The following SEMA6D variants were observed in gnomAD, a reference collection of about 807,000 sequenced individuals.
The protein encoded by SEMA6D is semaphorin 6D, also known as semaphorin-6D.
SEMA6D carries 35 observed loss-of-function variants against 106.6 expected under a neutral mutation model. That is an observed-to-expected ratio of 0.33 (90% CI 0.25 to 0.44). The LOEUF is 0.44. SEMA6D is among the 20% of genes least tolerant of loss of function. The probability of loss-of-function intolerance (pLI) is 1.00; values close to 1 mark genes in which losing one functional copy is unlikely to be tolerated. For synonymous variants in SEMA6D, 499 were observed against 487.7 expected (o/e 1.02, Z -0.31); for missense variants, 1,185 against 1,345.9 (o/e 0.88, Z 1.87).
intron 3 of SEMA6D, among the ~76,000 whole-genome samples, chr15:47,520,226 A>T (rs1201850494): frequency 6.6e-6 from 1 of 152,200 alleles, no homozygotes; most frequent in Non-Finnish European, 1.5e-5. Context: ...ATACTTTAAG[A>T]CTTACTCTAA....
At chr15:47,601,943 G>A (rs1207651618) in intron 4 of SEMA6D, among the ~76,000 whole-genome samples, 1 of 152,142 alleles carries the variant, frequency 6.6e-6, no homozygotes, top group Non-Finnish European at 1.5e-5. Flanking sequence ...TTTTAAAAAT[G>A]TCTTTTAGAT....
At chr15:47,287,357 T>G (rs1002205215) in intron 1 of SEMA6D, among the ~76,000 whole-genome samples, 1 of 152,172 alleles carries the variant, frequency 6.6e-6, no homozygotes, top group Non-Finnish European at 1.5e-5. Context: ...AAAATACATA[T>G]AGTCTTTGAA....
intron 1 of SEMA6D, among the ~76,000 whole-genome samples, chr15:47,266,648 C>T (rs2034333066): frequency 6.6e-6 from 1 of 152,062 alleles, no homozygotes; most frequent in South Asian, 2.1e-4. Flanking sequence ...TTCTCATCCA[C>T]ATTTGCCCAG....
chr15:47,595,788 T>G (rs2076524579), intron 3 of SEMA6D, among the ~76,000 whole-genome samples: 1 of 152,154 alleles, frequency 6.6e-6, no homozygotes, highest in African/African-American at 2.4e-5. Flanking sequence ...TTTTTTTTCT[T>G]GATTCAGTGT....
At chr15:47,476,982 G>A (rs569701135) in intron 3 of SEMA6D, among the ~76,000 whole-genome samples, 9 of 152,168 alleles carry the variant, frequency 5.9e-5, no homozygotes, top group Non-Finnish European at 1.0e-4. Flanking sequence ...TGAAAAGTCC[G>A]TGGTGTGGGA....
At chr15:47,678,316 C>T (rs1468026003) in intron 4 of SEMA6D, among the ~76,000 whole-genome samples, 1 of 152,160 alleles carries the variant, frequency 6.6e-6, no homozygotes, top group Non-Finnish European at 1.5e-5. Context: ...AAGTTCTCGA[C>T]TTTTCAGCCA....
intron 1 of SEMA6D, among the ~76,000 whole-genome samples, chr15:47,324,679 TTAAA>T (rs1248099146): frequency 2.7e-5 from 4 of 150,264 alleles, no homozygotes; most frequent in Non-Finnish European, 5.9e-5. Context: ...ACTATTATAT[TTAAA>T]TATATGCTAT....
intron 1 of SEMA6D, among the ~76,000 whole-genome samples, chr15:47,214,843 A>G (rs572846335): frequency 2.0e-5 from 3 of 152,298 alleles, no homozygotes; most frequent in Non-Finnish European, 4.4e-5. Context: ...AGTTTATTCT[A>G]GAAAATGGCA....
chr15:47,400,234 A>G (rs1752280608), intron 1 of SEMA6D, among the ~76,000 whole-genome samples: 1 of 152,178 alleles, frequency 6.6e-6, no homozygotes, highest in South Asian at 2.1e-4. Flanking sequence ...TTATGCCTGT[A>G]ATCCCAGCAC....
chr15:47,760,553 A>G (rs1290959631), intron 3 of SEMA6D, 138 bp downstream of exon 3: 4 of 664,934 alleles, frequency 6.0e-6, no homozygotes, highest in Admixed American at 5.6e-5. Flanking sequence ...CACTGAGAAG[A>G]GTCAGTGTTG....
chr15:47,742,690 A>C (rs1020659640), intron 1 of SEMA6D, among the ~76,000 whole-genome samples: 5 of 152,224 alleles, frequency 3.3e-5, no homozygotes, highest in Middle Eastern at 3.4e-3. Context: ...CTGCCTCTCT[A>C]CCCAGCTTGG....
Position 47,607,051 on chromosome 15 carries a change from TAGCCTAAGAAGGCTTAAATAA to T in SEMA6D, c.-55+6157_-55+6177del, listed in dbSNP as rs560197261. ...AACCTTCTTGTGCCAAATTAGAAAC[TAGCCTAAGAAGGCTTAAATAA>T]AATTGTTTGAAAATTATGATAAGGA... On this transcript the variant is annotated intron_variant, in intron 4 of 19. Coordinates refer to the SEMA6D transcript ENST00000558014. 1.8e-3 allele frequency among the ~76,000 whole-genome samples: 276 copies of T among 152,278 alleles called. 11 individuals are homozygous for T. The South Asian group carries it at 0.055, about 30-fold the overall frequency.
At chr15:47,341,165 A>C (rs561966557) in intron 1 of SEMA6D, among the ~76,000 whole-genome samples, 7 of 152,202 alleles carry the variant, frequency 4.6e-5, no homozygotes, top group African/African-American at 1.7e-4. Flanking sequence ...CAAGGTGGGC[A>C]GATCACTTAA....
chr15:47,657,816 C>CTG (rs1283803377), intron 4 of SEMA6D, among the ~76,000 whole-genome samples: 2 of 136,260 alleles, frequency 1.5e-5, no homozygotes, highest in Non-Finnish European at 3.1e-5. Context: ...TCTCGGCTCA[C>CTG]TGCAAGCTCC....
intron 1 of SEMA6D, chr15:47,398,045 C>T (rs1426550039): frequency 6.6e-6 from 1 of 152,218 alleles, no homozygotes; most frequent in Non-Finnish European, 1.5e-5. Context: ...ACCCCCAACA[C>T]TTTCCCTAGC....
At chr15:47,537,035 G>A (rs185119434) in intron 3 of SEMA6D, among the ~76,000 whole-genome samples, 1 of 152,204 alleles carries the variant, frequency 6.6e-6, no homozygotes, top group East Asian at 1.9e-4. Flanking sequence ...ACACCAAGGT[G>A]GTATAAGAAG....
At chr15:47,239,141 T>C (rs925155575) in intron 1 of SEMA6D, among the ~76,000 whole-genome samples, 3 of 152,146 alleles carry the variant, frequency 2.0e-5, no homozygotes, top group African/African-American at 7.2e-5. Context: ...TGGAGTCTCA[T>C]AGGAGCATGA....
intron 4 of SEMA6D, among the ~76,000 whole-genome samples, chr15:47,678,315 A>T (rs1424900188): frequency 6.6e-6 from 1 of 152,140 alleles, no homozygotes; most frequent in African/African-American, 2.4e-5. Context: ...AAAGTTCTCG[A>T]CTTTTCAGCC....
chr15:47,676,314 A>G (rs1240227867), intron 4 of SEMA6D, among the ~76,000 whole-genome samples: 1 of 152,202 alleles, frequency 6.6e-6, no homozygotes, highest in East Asian at 1.9e-4. Context: ...TATCCAAGCT[A>G]GCTGCTAAAA....
Sources: allele counts gnomAD v4.1 joint callset (sites outside exome capture counted in the v4.1 genomes callset), GRCh38; gene constraint gnomAD v4.1.1; transcripts MANE v1.5; gene names NCBI Gene and HGNC (gene_info 2026-07-23, HGNC 2026-07-21).